The following KIF1B variants were observed in gnomAD, a reference collection of about 807,000 sequenced individuals.
The protein encoded by KIF1B is kinesin-like protein KIF1B.
A neutral mutation model predicts 241.9 loss-of-function variants in KIF1B; 76 were observed. The ratio of observed to expected loss-of-function variants is 0.31; its 90% CI spans 0.26 to 0.38. The LOEUF (loss-of-function observed/expected upper bound fraction) is 0.38, where lower values mean the gene tolerates loss of function less well. Among genes scored for constraint, KIF1B ranks in the 10% least tolerant of loss-of-function variants. KIF1B has a pLI of 1.00. For synonymous variants in KIF1B, 750 were observed against 796.7 expected, an observed-to-expected ratio of 0.94 and a Z score of 0.99; for missense variants, 1,622 against 2,271.4, an observed-to-expected ratio of 0.71 and a Z score of 5.81.
At chr1:10,346,023 T>G in intron 35 of KIF1B, 70 bp downstream of exon 35, 2 of 992,464 alleles carry the variant, frequency 2.0e-6, no homozygotes, top group East Asian at 5.0e-5. Flanking sequence ...TTTTGAATCT[T>G]CTTGTATTTG....
In KIF1B at chr1:10,377,838, A is replaced by C. The variant is rs1392150954; in HGVS notation, c.*1251A>C. 4 of 184,288 alleles carry C rather than the reference A, an allele frequency of 2.2e-5. No individual in the cohort carries two copies. Among genetic ancestry groups the C allele is most frequent in the Non-Finnish European group, 4.6e-5 (4 of 86,986 alleles). 11.4% of individuals were successfully genotyped at this position (184,288 alleles called of 1,614,324 possible). A position where few individuals can be genotyped will look rare whatever the true frequency, so the allele number is the denominator to read the frequency against. On this transcript the variant is annotated 3_prime_UTR_variant, in exon 49 of 49. Transcript: ENST00000676179. Reference sequence around the variant, plus strand: ...GTAATTCCAGCTGCTTGGGAGCCTGAGGCAGGAGAACTGCTTGAACCCAGG... The same window carrying C: ...GTAATTCCAGCTGCTTGGGAGCCTGCGGCAGGAGAACTGCTTGAACCCAGG...
chr1:10,224,085 T>A (rs1211380491), intron 1 of KIF1B, among the ~76,000 whole-genome samples: 1 of 151,958 alleles, frequency 6.6e-6, no homozygotes, highest in Non-Finnish European at 1.5e-5. Flanking sequence ...TTACAGCAGG[T>A]GTGAGTCAGA....
intron 38 of KIF1B, among the ~76,000 whole-genome samples, chr1:10,357,606 G>T (rs890709675): frequency 6.6e-6 from 1 of 152,118 alleles, no homozygotes; most frequent in Non-Finnish European, 1.5e-5. Flanking sequence ...GGTGGCTCGT[G>T]CCTATATTCC....
intron 22 of KIF1B, chr1:10,304,830 A>G (rs1432554928): frequency 9.7e-6 from 14 of 1,437,088 alleles, no homozygotes; most frequent in Admixed American, 2.8e-5. Context: ...CTTGTATACC[A>G]TAAATGGGCA....
intron 28 of KIF1B, among the ~76,000 whole-genome samples, chr1:10,335,369 C>G (rs1652126408): frequency 6.6e-6 from 1 of 152,182 alleles, no homozygotes; most frequent in Admixed American, 6.5e-5. Context: ...TCTCATGCCT[C>G]AGCCTCCCTA....
chr1:10,243,970 C>A (rs1296449551), intron 2 of KIF1B, among the ~76,000 whole-genome samples: 1 of 151,948 alleles, frequency 6.6e-6, no homozygotes, highest in African/African-American at 2.4e-5. Flanking sequence ...ATTGTTTATT[C>A]AATGTGTATG....
At chr1:10,334,715 C>A in intron 28 of KIF1B, 77 bp downstream of exon 28, 1 of 1,089,198 alleles carries the variant, frequency 9.2e-7, no homozygotes, top group Non-Finnish European at 1.4e-6. Flanking sequence ...GCGTGGGTCA[C>A]GCTTATATTA....
At chr1:10,277,476 A>G (rs1281040100) in intron 12 of KIF1B, among the ~76,000 whole-genome samples, 1 of 152,128 alleles carries the variant, frequency 6.6e-6, no homozygotes, top group East Asian at 1.9e-4. Flanking sequence ...CTAAAACTAT[A>G]GGTGCATGCC....
rs546952517 is a variant in KIF1B at position 10,366,444 on chromosome 1, T to C, written c.4752+796T>C. ...ACCTGCGTGATCAGGAGGGAGGCAG[T>C]GGTGTCCTGCGTGATCAGGAGGGAG... On this transcript the variant is annotated intron_variant, in intron 43 of 48. Transcript: ENST00000676179. 4.3e-4 allele frequency among the ~76,000 whole-genome samples: 65 copies of C among 151,122 alleles called. 1 individual carries two copies. The South Asian group carries it at 0.012, about 27-fold the overall frequency.
intron 15 of KIF1B, among the ~76,000 whole-genome samples, chr1:10,286,191 C>T (rs1394429039): frequency 6.6e-6 from 1 of 152,128 alleles, no homozygotes; most frequent in Non-Finnish European, 1.5e-5. Flanking sequence ...AGGCATGTAC[C>T]ACCACATCTG....
At chr1:10,217,216 C>T (rs1186258778) in intron 1 of KIF1B, among the ~76,000 whole-genome samples, 5 of 151,330 alleles carry the variant, frequency 3.3e-5, no homozygotes, top group African/African-American at 7.3e-5. Flanking sequence ...TCAGGTGATC[C>T]GCCCGCCTCT....
rs1334549738 is a variant in KIF1B, at chr1:10,321,863, G to A, written c.2358+6G>A. 2 of 1,614,096 alleles carry A rather than the reference G, an allele frequency of 1.2e-6. No individual in the cohort carries two copies. The highest frequency in any genetic ancestry group is 1.1e-5 in the South Asian group (1 of 91,070). ...GTGTGGAACTGAAAAAGAAGGTATGGAGCAGGAGGACACAGGAGAGCTGGA... is the reference window on the plus strand; with the variant it reads ...GTGTGGAACTGAAAAAGAAGGTATGAAGCAGGAGGACACAGGAGAGCTGGA... On this transcript the variant is annotated splice_donor_region_variant and intron_variant, in intron 24 of 48. Transcript: ENST00000676179.
At chr1:10,295,564 A>G in intron 18 of KIF1B, 96 bp from the exon 19 acceptor site, 2 of 1,112,742 alleles carry the variant, frequency 1.8e-6, no homozygotes, top group South Asian at 1.2e-5. Context: ...CCTTTTTTGT[A>G]CGTACCAAAG....
chr1:10,258,411 A>G, intron 3 of KIF1B, 82 bp from the exon 4 acceptor site: 1 of 1,419,820 alleles, frequency 7.0e-7, no homozygotes, highest in Non-Finnish European at 9.8e-7. Context: ...GATTCCAGAC[A>G]CTTTTATTAT....
chr1:10,324,715 A>G lies in KIF1B; in HGVS notation c.2538-43A>G, dbSNP rs774185911. ...GCTTCCAAAGTGAAAGTTTAATGCA[A>G]TCTCATTATATTAACCCAATGTGCT... On this transcript the variant is annotated intron_variant, in intron 25 of 48. Coordinates refer to ENST00000676179, the MANE Select transcript of KIF1B (RefSeq NM_001365951.3). 5 of 1,610,368 alleles carry G rather than the reference A, an allele frequency of 3.1e-6. No homozygotes were observed. In the South Asian group the frequency reaches 3.3e-5, roughly 11 times the overall value.
intron 44 of KIF1B, among the ~76,000 whole-genome samples, chr1:10,370,590 T>TAAG (rs201223277): frequency 0.1 from 14,423 of 139,558 alleles, 775 homozygotes; most frequent in Admixed American, 0.13. Context: ...ATAATAATAA[T>TAAG]AATAAGAAGA....
chr1:10,229,336 G>A (rs1646948432), intron 1 of KIF1B, among the ~76,000 whole-genome samples: 1 of 151,844 alleles, frequency 6.6e-6, no homozygotes, highest in South Asian at 2.1e-4. Context: ...AGTAAACTAG[G>A]CAAAGGACTT....
At chr1:10,295,270 A>G in intron 18 of KIF1B, 105 bp downstream of exon 18, 1 of 781,168 alleles carries the variant, frequency 1.3e-6, no homozygotes, top group South Asian at 1.4e-5. Flanking sequence ...GATTTGCTGT[A>G]TTTTTTGTCT....
rs1269974319 is a variant in KIF1B, at chr1:10,268,128, G to A, written c.609-24G>A. On this transcript the variant is annotated intron_variant, in intron 6 of 48. Transcript: ENST00000676179. ...TCTCATCTAAGAATTCCCTTGTCAC[G>A]TGGTCACCTTTATGTTTATTTAGGA... 21 of 1,504,812 alleles carry A rather than the reference G, an allele frequency of 1.4e-5. No individual in the cohort carries two copies. The Middle Eastern group carries it at 5.1e-4, about 37-fold the overall frequency. The allele number at this position is 1,504,812 out of a possible 1,614,324, so 93.2% of individuals were successfully genotyped here. A position where few individuals can be genotyped will look rare whatever the true frequency, so the allele number is the denominator to read the frequency against.
Sources: allele counts gnomAD v4.1 joint callset (sites outside exome capture counted in the v4.1 genomes callset), GRCh38; gene constraint gnomAD v4.1.1; transcripts MANE v1.5; gene names NCBI Gene and HGNC (gene_info 2026-07-23, HGNC 2026-07-21).